WWOX: variants seen among roughly 807,000 people sequenced by gnomAD.
WWOX encodes WW domain-containing oxidoreductase.
WWOX carries 69 observed loss-of-function variants against 46.2 expected under a neutral mutation model. That is an observed-to-expected ratio of 1.49 (90% CI 1.23 to 1.82). The LOEUF is 1.82. Among genes scored for constraint, WWOX ranks in the 40% most tolerant of loss-of-function variants. The pLI is 0.00. For synonymous variants in WWOX, 359 were observed against 202.6 expected, an observed-to-expected ratio of 1.77 and a Z score of -6.56; for missense variants, 919 against 542.6, an observed-to-expected ratio of 1.69 and a Z score of -6.89.
chr16:78,806,532 C>T (rs1223127210), intron 8 of WWOX, among the ~76,000 whole-genome samples: 6 of 152,068 alleles, frequency 3.9e-5, no homozygotes, highest in Admixed American at 2.6e-4. Flanking sequence ...AGGATTGATG[C>T]TGACTGGTGG....
At chr16:79,074,350 C>A (rs78996966) in intron 8 of WWOX, among the ~76,000 whole-genome samples, 6,854 of 146,690 alleles carry the variant, frequency 0.047, 526 homozygotes, top group African/African-American at 0.16. Flanking sequence ...CATCTGACTT[C>A]CTAAAACCAC....
intron 8 of WWOX, among the ~76,000 whole-genome samples, chr16:78,739,500 A>C (rs958317435): frequency 1.8e-4 from 27 of 152,198 alleles, no homozygotes; most frequent in African/African-American, 6.5e-4. Flanking sequence ...CGGTAAGAAG[A>C]GGGCTGGGCT....
At chr16:78,288,503 G>A (rs1339607027) in intron 5 of WWOX, among the ~76,000 whole-genome samples, 1 of 151,732 alleles carries the variant, frequency 6.6e-6, no homozygotes, top group African/African-American at 2.4e-5. Flanking sequence ...TCTTCCCAAT[G>A]CAGTGTTTTC....
At chr16:78,271,576 C>G (rs1380091727) in intron 5 of WWOX, among the ~76,000 whole-genome samples, 1 of 152,192 alleles carries the variant, frequency 6.6e-6, no homozygotes, top group South Asian at 2.1e-4. Flanking sequence ...ATCTCTTCTT[C>G]TTGTTTTCCT....
At chr16:78,992,664 C>G (rs1290146051) in intron 8 of WWOX, among the ~76,000 whole-genome samples, 1 of 152,078 alleles carries the variant, frequency 6.6e-6, no homozygotes, top group Non-Finnish European at 1.5e-5. Context: ...GGAAGTTGGC[C>G]CACAGAAGCC....
intron 8 of WWOX, among the ~76,000 whole-genome samples, chr16:78,703,049 G>C (rs1049250175): frequency 2.0e-5 from 3 of 152,168 alleles, no homozygotes; most frequent in African/African-American, 4.8e-5. Flanking sequence ...TGCAGTGCTT[G>C]TTGGGATCAG....
intron 5 of WWOX, among the ~76,000 whole-genome samples, chr16:78,358,558 T>G (rs2081344231): frequency 6.6e-6 from 1 of 152,100 alleles, no homozygotes. Flanking sequence ...CTCAGGAAGC[T>G]GAGGACTGAG....
intron 8 of WWOX, among the ~76,000 whole-genome samples, chr16:79,113,418 C>T (rs1008625300): frequency 3.3e-5 from 5 of 152,230 alleles, no homozygotes; most frequent in Admixed American, 1.3e-4. Flanking sequence ...TTGAGGACTG[C>T]TCTCAGGACA....
chr16:78,897,828 C>T (rs967559378), intron 8 of WWOX: 1 of 152,130 alleles, frequency 6.6e-6, no homozygotes, highest in African/African-American at 2.4e-5. Context: ...TCCTCATCAG[C>T]ACTTTGTAAT....
At chr16:78,525,041 T>A (rs1242778680) in intron 8 of WWOX, 1 of 151,580 alleles carries the variant, frequency 6.6e-6, no homozygotes, top group Non-Finnish European at 1.5e-5. Flanking sequence ...ACTTGTTTAA[T>A]TTTTTGCAGA....
intron 8 of WWOX, among the ~76,000 whole-genome samples, chr16:78,936,512 T>C (rs2045740955): frequency 6.6e-6 from 1 of 152,162 alleles, no homozygotes; most frequent in Admixed American, 6.5e-5. Flanking sequence ...AGGCAACCTA[T>C]TAAAACTCAT....
At chr16:79,031,742 G>T (rs2047759035) in intron 8 of WWOX, among the ~76,000 whole-genome samples, 1 of 144,184 alleles carries the variant, frequency 6.9e-6, no homozygotes. Context: ...CTCTCTCTCT[G>T]TCTCTTTCTT....
chr16:78,399,549 AT>A (rs1434384798), intron 6 of WWOX, among the ~76,000 whole-genome samples: 1 of 152,168 alleles, frequency 6.6e-6, no homozygotes, highest in East Asian at 1.9e-4. Flanking sequence ...AGCCCAGTCT[AT>A]CAAGCCTGCT....
chr16:78,685,913 AGAAAAAAG>A (rs2047845965), intron 8 of WWOX, among the ~76,000 whole-genome samples: 1 of 120,690 alleles, frequency 8.3e-6, no homozygotes, highest in Non-Finnish European at 1.9e-5. Context: ...AAAAAGAAAA[AGAAAAAAG>A]AGAGGTGGGT....
At chr16:78,338,757 C>G (rs1414648899) in intron 5 of WWOX, among the ~76,000 whole-genome samples, 1 of 121,348 alleles carries the variant, frequency 8.2e-6, no homozygotes, top group Non-Finnish European at 2.0e-5. Flanking sequence ...TATTTCTTCT[C>G]TTTTTCTGTT....
intron 8 of WWOX, among the ~76,000 whole-genome samples, chr16:78,715,173 T>C (rs1205980540): frequency 6.6e-6 from 1 of 152,168 alleles, no homozygotes; most frequent in African/African-American, 2.4e-5. Context: ...AGAGATCAGT[T>C]AGAAGATTTA....
intron 8 of WWOX, among the ~76,000 whole-genome samples, chr16:78,575,225 C>T (rs1342344949): frequency 6.8e-6 from 1 of 146,246 alleles, no homozygotes; most frequent in African/African-American, 2.5e-5. Context: ...TAGTTCTGTC[C>T]CTGGAGGTGA....
intron 8 of WWOX, among the ~76,000 whole-genome samples, chr16:78,571,917 C>T (rs117779681): frequency 0.018 from 2,726 of 152,186 alleles, 47 homozygotes; most frequent in Admixed American, 0.042. Context: ...TCACACTCAC[C>T]AGATTGGCAA....
At chr16:79,057,576 G>A (rs542745542) in intron 8 of WWOX, among the ~76,000 whole-genome samples, 1 of 95,124 alleles carries the variant, frequency 1.1e-5, no homozygotes, top group East Asian at 2.2e-4. Flanking sequence ...TCAGAGAGTT[G>A]GTGATTTTGG....
Sources: allele counts gnomAD v4.1 joint callset (sites outside exome capture counted in the v4.1 genomes callset), GRCh38; gene constraint gnomAD v4.1.1; transcripts MANE v1.5; gene names NCBI Gene and HGNC (gene_info 2026-07-23, HGNC 2026-07-21).